Variants in MAGI2 observed in about 807,000 individuals in gnomAD.
MAGI2 encodes membrane associated guanylate kinase, WW and PDZ domain containing 2.
MAGI2 carries 35 observed loss-of-function variants against 133.3 expected under a neutral mutation model. The ratio of observed to expected loss-of-function variants is 0.26; its 90% CI spans 0.20 to 0.35. MAGI2 has a LOEUF of 0.35. Among genes scored for constraint, MAGI2 ranks in the 10% least tolerant of loss-of-function variants. MAGI2 has a pLI of 1.00. For missense variants in MAGI2, 1,636 were observed against 1,863.4 expected (o/e 0.88, Z 2.25); for synonymous variants, 729 against 710.6 (o/e 1.03, Z -0.41).
intron 2 of MAGI2, among the ~76,000 whole-genome samples, chr7:78,950,237 T>G (rs1191314077): frequency 6.6e-6 from 1 of 152,200 alleles, no homozygotes; most frequent in African/African-American, 2.4e-5. Flanking sequence ...TTGATGTGTG[T>G]TGCTTGGAAG....
intron 3 of MAGI2, among the ~76,000 whole-genome samples, chr7:78,610,150 A>G (rs754892516): frequency 6.6e-6 from 1 of 152,174 alleles, no homozygotes; most frequent in Non-Finnish European, 1.5e-5. Context: ...ACTAATTCAG[A>G]GCATACATGG....
intron 6 of MAGI2, among the ~76,000 whole-genome samples, chr7:78,481,824 GA>G (rs1039726448): frequency 1.3e-5 from 2 of 151,450 alleles, no homozygotes; most frequent in African/African-American, 2.4e-5. Context: ...GAAAAAACAT[GA>G]AAAAAAATTG....
chr7:79,064,821 T>C (rs1448892068), intron 1 of MAGI2, among the ~76,000 whole-genome samples: 1 of 152,106 alleles, frequency 6.6e-6, no homozygotes, highest in Non-Finnish European at 1.5e-5. Context: ...TGTAGATAAT[T>C]GGATATGAAC....
chr7:78,431,949 A>T (rs926762867), intron 6 of MAGI2, among the ~76,000 whole-genome samples: 6 of 152,076 alleles, frequency 3.9e-5, no homozygotes, highest in African/African-American at 1.4e-4. Context: ...GTGAACTTTC[A>T]TATTTCCCAC....
intron 16 of MAGI2, among the ~76,000 whole-genome samples, chr7:78,147,101 C>T (rs1823376522): frequency 6.6e-6 from 1 of 152,174 alleles, no homozygotes; most frequent in African/African-American, 2.4e-5. Context: ...ATTGGCCCTC[C>T]AGTTACACAT....
chr7:78,047,045 T>TATATA (rs3840610), intron 21 of MAGI2, among the ~76,000 whole-genome samples: 10,148 of 152,248 alleles, frequency 0.067, 342 homozygotes, highest in South Asian at 0.077. Context: ...TATTGATCTC[T>TATATA]ATAGAGTCCA....
intron 2 of MAGI2, among the ~76,000 whole-genome samples, chr7:78,641,123 G>A (rs931641912): frequency 2.7e-4 from 41 of 152,272 alleles, no homozygotes; most frequent in African/African-American, 8.9e-4. Context: ...CGACATGATT[G>A]TAAGTTTCCT....
At chr7:79,091,634 G>A (rs1181748182) in intron 1 of MAGI2, among the ~76,000 whole-genome samples, 1 of 151,492 alleles carries the variant, frequency 6.6e-6, no homozygotes, top group Non-Finnish European at 1.5e-5. Flanking sequence ...TTAGAATCCT[G>A]TAAACTAGAG....
At chr7:79,071,276 G>A (rs1052858230) in intron 1 of MAGI2, among the ~76,000 whole-genome samples, 1 of 152,198 alleles carries the variant, frequency 6.6e-6, no homozygotes, top group African/African-American at 2.4e-5. Flanking sequence ...CACTGGTGGA[G>A]GCTGCAGAAC....
At chr7:79,226,005 T>C (rs1830822359) in intron 1 of MAGI2, among the ~76,000 whole-genome samples, 1 of 152,196 alleles carries the variant, frequency 6.6e-6, no homozygotes, top group Admixed American at 6.5e-5. Flanking sequence ...ATACCACTTT[T>C]ATTCTAGCAG....
intron 17 of MAGI2, chr7:78,134,561 A>G (rs1334582751): frequency 1.9e-5 from 3 of 156,736 alleles, no homozygotes; most frequent in African/African-American, 4.8e-5. Flanking sequence ...ATCAGATGCA[A>G]CATTTTCTAA....
intron 16 of MAGI2, among the ~76,000 whole-genome samples, chr7:78,156,792 A>T (rs148169138): frequency 3.6e-3 from 543 of 152,094 alleles, no homozygotes; most frequent in African/African-American, 0.012. Flanking sequence ...GTCCACCAAG[A>T]AAAAGCTCCC....
At chr7:78,620,700 T>A (rs1178088281) in intron 3 of MAGI2, among the ~76,000 whole-genome samples, 1 of 152,002 alleles carries the variant, frequency 6.6e-6, no homozygotes, top group Non-Finnish European at 1.5e-5. Flanking sequence ...GATGCCTAAA[T>A]AACTTGCTGG....
At chr7:78,577,795 T>G (rs192739894) in intron 3 of MAGI2, among the ~76,000 whole-genome samples, 3 of 152,068 alleles carry the variant, frequency 2.0e-5, no homozygotes, top group South Asian at 2.1e-4. Flanking sequence ...TGGAATGTCA[T>G]CAGTTAAGGC....
rs1221356842 is a variant in MAGI2 at position 79,230,771 on chromosome 7, C to T, written c.301+222249G>A. On this transcript the variant is annotated intron_variant, in intron 1 of 21. Transcript: ENST00000354212. ...TGTTCACTCTGATGGTAGTTTCTTTCGCTGTGCAGAAGCTCTTTAGTTTAA... is the reference window on the plus strand; with the variant it reads ...TGTTCACTCTGATGGTAGTTTCTTTTGCTGTGCAGAAGCTCTTTAGTTTAA... 8.9e-3 allele frequency among the ~76,000 whole-genome samples: 1,344 copies of T among 151,586 alleles called. 25 individuals are homozygous for T. Among genetic ancestry groups the T allele is most frequent in the African/African-American group, 0.027 (1,124 of 41,082 alleles).
chr7:79,151,171 A>G (rs1823199416), intron 1 of MAGI2, among the ~76,000 whole-genome samples: 1 of 152,192 alleles, frequency 6.6e-6, no homozygotes, highest in Non-Finnish European at 1.5e-5. Context: ...GGAATAGATC[A>G]TTCAAGAAAT....
chr7:79,024,190 A>G (rs1375156828), intron 1 of MAGI2, among the ~76,000 whole-genome samples: 4 of 152,084 alleles, frequency 2.6e-5, no homozygotes, highest in Non-Finnish European at 4.4e-5. Flanking sequence ...CACACCTACA[A>G]TCATCTGATC....
At chr7:78,069,695 C>T (rs977997944) in intron 21 of MAGI2, among the ~76,000 whole-genome samples, 14 of 152,182 alleles carry the variant, frequency 9.2e-5, no homozygotes, top group African/African-American at 2.6e-4. Context: ...CCACAATCCC[C>T]GGTTGTGTAA....
chr7:78,925,085 A>G (rs932976874), intron 2 of MAGI2, among the ~76,000 whole-genome samples: 2 of 151,922 alleles, frequency 1.3e-5, no homozygotes, highest in African/African-American at 4.8e-5. Flanking sequence ...CTCAAATTTC[A>G]TGTCTGGATT....
Sources: gnomAD v4.1 joint callset for allele counts (sites outside exome capture counted in the v4.1 genomes callset) on GRCh38, gnomAD v4.1.1 for gene constraint, MANE v1.5 for transcripts, NCBI Gene and HGNC (gene_info 2026-07-23, HGNC 2026-07-21) for gene names.